The following TRIM6 variants were observed in gnomAD, a reference collection of about 807,000 sequenced individuals.
TRIM6 encodes tripartite motif containing 6, also known as tripartite motif-containing protein 6.
Under a neutral mutation model 51.2 loss-of-function variants are expected in TRIM6, and 43 were observed. That is an observed-to-expected ratio of 0.84 (90% CI 0.66 to 1.08). The LOEUF is 1.08. Among genes scored for constraint, TRIM6 ranks in the 50% least tolerant of loss-of-function variants. TRIM6 has a pLI of 0.00. For missense variants in TRIM6, 669 were observed against 619.0 expected (o/e 1.08, Z -0.86); for synonymous variants, 215 against 232.4 (o/e 0.93, Z 0.68).
chr11:5,608,289 T>TG, intron 4 of TRIM6, 83 bp from the exon 5 acceptor site: 3 of 1,579,350 alleles, frequency 1.9e-6, no homozygotes, highest in Non-Finnish European at 2.6e-6. Flanking sequence ...TATCATATCA[T>TG]GGGGTAGGGG....
intron 1 of TRIM6, among the ~76,000 whole-genome samples, chr11:5,599,100 G>C (rs891727169): frequency 6.6e-6 from 1 of 152,064 alleles, no homozygotes; most frequent in Admixed American, 6.6e-5. Flanking sequence ...CACTTTGCAT[G>C]CTTTTGAGAT....
rs1848086402 is a variant in TRIM6, at chr11:5,604,518, AT to A, written c.508-13del. On this transcript the variant is annotated splice_polypyrimidine_tract_variant and intron_variant, in intron 2 of 7. Coordinates refer to ENST00000380097, the MANE Select transcript of TRIM6 (RefSeq NM_001003818.3). ...TGAAGGCTTGATCCTGCTTGACCTG[AT>A]TTGTTTTCTTCAAGGAGAAGTTTCA... 6.2e-7 allele frequency: 1 copy of A among 1,607,102 alleles called. No homozygotes were observed. Among genetic ancestry groups the A allele is most frequent in the Non-Finnish European group, 8.5e-7 (1 of 1,177,156 alleles).
At position 5,605,478 on chromosome 11, in the gene TRIM6, A is replaced by T. The variant is rs373805134; in HGVS notation, c.745A>T (p.Asn249Tyr). 6.2e-7 allele frequency: 1 copy of T among 1,614,100 alleles called. No individual in the cohort carries two copies. Among genetic ancestry groups the T allele is most frequent in the African/African-American group, 1.3e-5 (1 of 74,932 alleles). Residue 249 changes from asparagine to tyrosine, a missense_variant, in exon 4 of 8, where the codon AAT (asparagine) becomes TAT (tyrosine). By Grantham distance (143) the Asn-to-Tyr change is moderately radical. Coordinates refer to ENST00000380097, the MANE Select transcript of TRIM6 (RefSeq NM_001003818.3). ...GCTACGAATTATAGAAGAGGCTGAGAATGATCTGGTCCACCAGACCCAGTC... is the reference window on the plus strand; with the variant it reads ...GCTACGAATTATAGAAGAGGCTGAGTATGATCTGGTCCACCAGACCCAGTC... ...KGLRIIEEAE[N>Y]DLVHQTQSLR...
chr11:5,596,430 C>G (rs55994352), upstream of TRIM6, among the ~76,000 whole-genome samples: 146,214 of 150,892 alleles, frequency 0.97, 71,005 homozygotes, highest in Middle Eastern at 1. Context: ...GGAGGCAGCT[C>G]TGGAAACTGC....
Position 5,610,757 on chromosome 11 carries a change from T to G in TRIM6, c.986-20T>G, listed in dbSNP as rs557944779. ...CCATGTCCCCGTTCTCATCTGCTGA[T>G]GTTGTACCTTTTCCTACAGTTGACG... On this transcript the variant is annotated intron_variant, in intron 7 of 7. Coordinates refer to ENST00000380097, the MANE Select transcript of TRIM6 (RefSeq NM_001003818.3). The G allele has an allele frequency of 5.6e-6, 9 of 1,612,146 alleles. No individual in the cohort carries two copies. In the South Asian group the frequency reaches 8.8e-5, roughly 16 times the overall value.
At chr11:5,604,977 G>A (rs1367263216) in intron 3 of TRIM6, among the ~76,000 whole-genome samples, 2 of 152,126 alleles carry the variant, frequency 1.3e-5, no homozygotes, top group Non-Finnish European at 2.9e-5. Context: ...TTGTGAAGAA[G>A]CCCAGATCTG....
At position 5,611,139 on chromosome 11, in the gene TRIM6, C is replaced by G; in HGVS notation, c.1348C>G (p.Leu450Val). ...GGCCTATGAGGATTCTTCCCCTTCC[C>G]TGCTTCTCTCCATGACAGTGCCCCC... ...YRAYEDSSPSLLLSMTVPPRR... is the reference protein window; with the variant it reads ...YRAYEDSSPSVLLSMTVPPRR... Residue 450 changes from leucine to valine, a missense_variant, in exon 8 of 8, where the codon CTG becomes GTG. Leu to Val is a conservative substitution (Grantham distance 32). Transcript: ENST00000380097. 1 of 1,614,170 alleles carries G rather than the reference C, an allele frequency of 6.2e-7. No individual in the cohort carries two copies. The highest frequency in any genetic ancestry group is 1.1e-5 in the South Asian group (1 of 91,082).
intron 3 of TRIM6, 103 bp from the exon 4 acceptor site, chr11:5,605,234 C>T (rs1323117623): frequency 9.3e-6 from 14 of 1,501,618 alleles, no homozygotes; most frequent in Non-Finnish European, 1.3e-5. Context: ...CCCTGGGAGG[C>T]TTGGCCCAGG....
intron 1 of TRIM6, among the ~76,000 whole-genome samples, chr11:5,602,340 G>A (rs1485832866): frequency 2.0e-5 from 3 of 152,090 alleles, no homozygotes; most frequent in African/African-American, 7.2e-5. Context: ...CTACTCGGGA[G>A]GCTGAGGCAG....
At position 5,596,774 on chromosome 11, in the gene TRIM6, G is replaced by T; in HGVS notation, c.-124G>T. The T allele has an allele frequency of 6.7e-7, 1 of 1,484,968 alleles. No individual in the cohort carries two copies. Among genetic ancestry groups the T allele is most frequent in the South Asian group, 1.1e-5 (1 of 88,002 alleles). The allele number at this position is 1,484,968 out of a possible 1,614,324, so 92.0% of individuals were successfully genotyped here. On this transcript the variant is annotated 5_prime_UTR_variant, in exon 1 of 8. Coordinates refer to ENST00000380097, the MANE Select transcript of TRIM6 (RefSeq NM_001003818.3). ...GCAGAGTCGTGCGTGGTTGAGTTTA[G>T]ATAAAAGCCGAGTGAGCGCGCTCTG...
At position 5,596,734 on chromosome 11, in the gene TRIM6, T is replaced by TCGGAA. The variant is rs1847488376; in HGVS notation, c.-154_-150dup. 1.8e-6 allele frequency: 2 copies of TCGGAA among 1,099,376 alleles called. No individual in the cohort carries two copies. Among genetic ancestry groups the TCGGAA allele is most frequent in the African/African-American group, 1.6e-5 (1 of 62,864 alleles). The allele number at this position is 1,099,376 out of a possible 1,614,324, so 68.1% of individuals were successfully genotyped here. A position where few individuals can be genotyped will look rare whatever the true frequency, so the allele number is the denominator to read the frequency against. ...GCGGAGGAGGGATCCCCTGCCTTTC[T>TCGGAA]CGGAACGGAACGGAGCAGAGTCGTG... On this transcript the variant is annotated 5_prime_UTR_variant, in exon 1 of 8. An upstream open reading frame in the 5' UTR loses its in-frame stop. Coordinates refer to ENST00000380097, the MANE Select transcript of TRIM6 (RefSeq NM_001003818.3).
chr11:5,602,920 T>C (rs531591812), intron 1 of TRIM6, among the ~76,000 whole-genome samples: 4 of 151,928 alleles, frequency 2.6e-5, no homozygotes, highest in South Asian at 4.1e-4. Context: ...TACCACTGCA[T>C]TCCAGCCTGG....
rs557712897 is a variant in TRIM6, at chr11:5,600,257, C to T, written c.18-2989C>T. Among the ~76,000 whole-genome samples, 58 of 152,306 alleles carry T rather than the reference C, an allele frequency of 3.8e-4. No individual in the cohort carries two copies. In the South Asian group the frequency reaches 0.011, roughly 28 times the overall value. ...AAGATCTACTAAATACCAGTTTATA[C>T]AACTATGAGATGAGATTTAAGGGAC... On this transcript the variant is annotated intron_variant, in intron 1 of 7. Coordinates refer to ENST00000380097, the MANE Select transcript of TRIM6 (RefSeq NM_001003818.3).
intron 5 of TRIM6, among the ~76,000 whole-genome samples, chr11:5,609,261 C>G (rs892375887): frequency 6.6e-6 from 1 of 152,158 alleles, no homozygotes; most frequent in African/African-American, 2.4e-5. Flanking sequence ...GAAATCTGTA[C>G]TCTCCGTTTG....
Position 5,611,028 on chromosome 11 carries a change from T to G in TRIM6, c.1237T>G (p.Phe413Val). ...GGGACCTACATTCTCTTTCAACCAT[T>G]TTGCTCAAAATCACAGTGCTTACTC... is the stretch of plus-strand genomic sequence containing the variant. ...SLGPTFSFNH[F>V]AQNHSAYSRY... Residue 413 changes from phenylalanine (F) to valine (V), a missense_variant, in exon 8 of 8, where the codon TTT (phenylalanine) becomes GTT (valine). By Grantham distance (50) the Phe-to-Val change is conservative. Transcript: ENST00000380097. The G allele has an allele frequency of 1.2e-6, 2 of 1,614,168 alleles. No homozygotes were observed. Among genetic ancestry groups the G allele is most frequent in the Non-Finnish European group, 1.7e-6 (2 of 1,180,028 alleles).
chr11:5,610,088 G>C, intron 5 of TRIM6, 57 bp from the exon 6 acceptor site: 1 of 1,585,048 alleles, frequency 6.3e-7, no homozygotes, highest in Non-Finnish European at 8.7e-7. Context: ...AGGGAGATGG[G>C]TGGTGGAGGA....
At chr11:5,605,147 C>G (rs1298039383) in intron 3 of TRIM6, 190 bp from the exon 4 acceptor site, 2 of 738,320 alleles carry the variant, frequency 2.7e-6, no homozygotes, top group East Asian at 2.8e-5. Context: ...GGCCAATGGT[C>G]TGGGCAGAGC....
chr11:5,606,430 C>G (rs962205732), intron 4 of TRIM6, among the ~76,000 whole-genome samples: 1 of 152,086 alleles, frequency 6.6e-6, no homozygotes, highest in Non-Finnish European at 1.5e-5. Context: ...TTGTGATATT[C>G]TGTAACCTTC....
At chr11:5,608,331 A>T (rs1233845290) in intron 4 of TRIM6, 41 bp from the exon 5 acceptor site, 2 of 1,611,982 alleles carry the variant, frequency 1.2e-6, no homozygotes, top group East Asian at 2.2e-5. Flanking sequence ...TAAGGGCATG[A>T]CCTGTTACTC....
Sources: allele counts gnomAD v4.1 joint callset (sites outside exome capture counted in the v4.1 genomes callset), GRCh38; gene constraint gnomAD v4.1.1; transcripts MANE v1.5; gene names NCBI Gene and HGNC (gene_info 2026-07-23, HGNC 2026-07-21).